PDE3A: variants seen among roughly 807,000 people sequenced by gnomAD.
The protein encoded by PDE3A is cGMP-inhibited 3',5'-cyclic phosphodiesterase 3A.
PDE3A carries 43 observed loss-of-function variants against 98.3 expected under a neutral mutation model. That is an observed-to-expected ratio of 0.44 (90% CI 0.34 to 0.56). The LOEUF (loss-of-function observed/expected upper bound fraction) is 0.56, where lower values mean the gene tolerates loss of function less well. Among genes scored for constraint, PDE3A ranks in the 20% least tolerant of loss-of-function variants. PDE3A has a pLI of 0.01. For missense variants in PDE3A, 1,427 were observed against 1,440.7 expected (o/e 0.99, Z 0.15); for synonymous variants, 663 against 567.9 (o/e 1.17, Z -2.38).
chr12:20,518,686 A>G (rs1274199804), intron 1 of PDE3A, among the ~76,000 whole-genome samples: 5 of 152,170 alleles, frequency 3.3e-5, no homozygotes, highest in Non-Finnish European at 5.9e-5. Flanking sequence ...TTTGCATGTA[A>G]AAGAGAATGG....
chr12:20,429,788 A>G (rs531514732), intron 1 of PDE3A, among the ~76,000 whole-genome samples: 1 of 152,250 alleles, frequency 6.6e-6, no homozygotes, highest in East Asian at 1.9e-4. Context: ...TTTTACCTTC[A>G]TCATTTCAGT....
chr12:20,552,894 G>T lies in PDE3A; in HGVS notation c.961-3766G>T. On this transcript the variant is annotated intron_variant, in intron 1 of 15. Transcript: ENST00000359062. This position sits in a 1 kb window ranked among gnomAD's most constrained non-coding sequence, Gnocchi z 5.1. Reference sequence around the variant, plus strand: ...GCCTGGACAGATCCTTTCGGGCACAGGTGTTCAGCTGCCCTGCCTGCCGCT... The same window carrying T: ...GCCTGGACAGATCCTTTCGGGCACATGTGTTCAGCTGCCCTGCCTGCCGCT... 1 of 1,611,102 alleles carries T rather than the reference G, an allele frequency of 6.2e-7. No homozygotes were observed. The highest frequency in any genetic ancestry group is 1.1e-5 in the South Asian group (1 of 90,678).
At chr12:20,582,958 C>G (rs981439482) in intron 2 of PDE3A, among the ~76,000 whole-genome samples, 1 of 152,172 alleles carries the variant, frequency 6.6e-6, no homozygotes, top group African/African-American at 2.4e-5. Context: ...CAAATGAACT[C>G]TTGAATTCCA....
At chr12:20,563,057 A>G (rs1195992252) in intron 2 of PDE3A, among the ~76,000 whole-genome samples, 1 of 152,204 alleles carries the variant, frequency 6.6e-6, no homozygotes, top group African/African-American at 2.4e-5. Context: ...CTAGACTAAA[A>G]GCAACTACCT....
chr12:20,467,224 A>G (rs1945353663), intron 1 of PDE3A, among the ~76,000 whole-genome samples: 1 of 152,026 alleles, frequency 6.6e-6, no homozygotes, highest in African/African-American at 2.4e-5. Flanking sequence ...AGGCAGATAG[A>G]CTTGGTTAAA....
intron 1 of PDE3A, among the ~76,000 whole-genome samples, chr12:20,416,810 A>G (rs1944428193): frequency 6.6e-6 from 1 of 152,166 alleles, no homozygotes; most frequent in African/African-American, 2.4e-5. Flanking sequence ...ACATACATGG[A>G]CTATACTACT....
intron 2 of PDE3A, among the ~76,000 whole-genome samples, chr12:20,571,128 A>C (rs12320894): frequency 0.19 from 28,383 of 152,076 alleles, 3,247 homozygotes; most frequent in African/African-American, 0.31. Context: ...AAAATTCTAG[A>C]GTTAGAGCTA....
At chr12:20,479,816 T>A (rs547109345) in intron 1 of PDE3A, among the ~76,000 whole-genome samples, 1 of 152,320 alleles carries the variant, frequency 6.6e-6, no homozygotes, top group Admixed American at 6.5e-5. Context: ...AGTTCAGATG[T>A]TAATAGCTGA....
intron 1 of PDE3A, among the ~76,000 whole-genome samples, chr12:20,526,334 A>G (rs1029892684): frequency 6.6e-6 from 1 of 152,216 alleles, no homozygotes; most frequent in South Asian, 2.1e-4. Flanking sequence ...TGAGCCAGCA[A>G]TATTTCAATT....
In PDE3A at chr12:20,688,469, A is replaced by C. The variant is rs1044896067; in HGVS notation, c.*8198A>C. Among the ~76,000 whole-genome samples the C allele has an allele frequency of 6.6e-6, 1 of 151,340 alleles. No homozygotes were observed. Among genetic ancestry groups the C allele is most frequent in the Non-Finnish European group, 1.5e-5 (1 of 67,836 alleles). On this transcript the variant is annotated 3_prime_UTR_variant, in exon 16 of 16. Transcript: ENST00000359062. ...AAGTGCCTCTTGGTTTTATATATAT[A>C]ATATATAAATATTACAGTAAATATA...
chr12:20,425,111 G>A (rs1004349679), intron 1 of PDE3A, among the ~76,000 whole-genome samples: 3 of 152,150 alleles, frequency 2.0e-5, no homozygotes, highest in African/African-American at 7.2e-5. Flanking sequence ...GAACACACAT[G>A]GGTTGCCAAA....
chr12:20,397,157 A>G (rs1004813930), intron 1 of PDE3A, among the ~76,000 whole-genome samples: 4 of 152,138 alleles, frequency 2.6e-5, no homozygotes, highest in African/African-American at 7.2e-5. Context: ...TTGTAAGTAC[A>G]TTTAATTCTC....
At chr12:20,630,283 T>C (rs1373606456) in intron 6 of PDE3A, among the ~76,000 whole-genome samples, 156 bp downstream of exon 6, 1 of 152,202 alleles carries the variant, frequency 6.6e-6, no homozygotes, top group Non-Finnish European at 1.5e-5. Flanking sequence ...TAGGCTACAA[T>C]AAAAACTTAT....
At chr12:20,435,949 TATACGGGCAAG>T (rs1436936198) in intron 1 of PDE3A, among the ~76,000 whole-genome samples, 1 of 152,170 alleles carries the variant, frequency 6.6e-6, no homozygotes. Context: ...TGTGTTGCAT[TATACGGGCAAG>T]ATTGAGATTT....
At chr12:20,660,242 T>G (rs942875242) in intron 15 of PDE3A, among the ~76,000 whole-genome samples, 1 of 152,246 alleles carries the variant, frequency 6.6e-6, no homozygotes, top group Non-Finnish European at 1.5e-5. Context: ...GATTATAATT[T>G]CCTGAGGCCT....
At chr12:20,448,177 C>G (rs753964869) in intron 1 of PDE3A, among the ~76,000 whole-genome samples, 1 of 152,104 alleles carries the variant, frequency 6.6e-6, no homozygotes, top group Non-Finnish European at 1.5e-5. Flanking sequence ...GGCTCACGCC[C>G]GTAATCCTAG....
intron 1 of PDE3A, among the ~76,000 whole-genome samples, chr12:20,497,808 C>G (rs893651122): frequency 6.6e-6 from 1 of 151,992 alleles, no homozygotes; most frequent in Non-Finnish European, 1.5e-5. Context: ...GAATACTGTG[C>G]AGGTAAGGTT....
intron 1 of PDE3A, among the ~76,000 whole-genome samples, chr12:20,540,307 A>T (rs1306581583): frequency 6.6e-6 from 1 of 152,182 alleles, no homozygotes; most frequent in East Asian, 1.9e-4. Context: ...TGAAATATGG[A>T]ATTGCTAAAA....
At chr12:20,654,228 A>T in intron 15 of PDE3A, 23 bp downstream of exon 15, 1 of 1,609,900 alleles carries the variant, frequency 6.2e-7, no homozygotes, top group Non-Finnish European at 8.5e-7. Context: ...ACCTAGTTCT[A>T]ATGTGTTTTC....
Sources: allele counts gnomAD v4.1 joint callset (sites outside exome capture counted in the v4.1 genomes callset), GRCh38; gene constraint gnomAD v4.1.1; non-coding constraint Gnocchi (gnomAD v3.1); transcripts MANE v1.5; gene names NCBI Gene and HGNC (gene_info 2026-07-23, HGNC 2026-07-21).